The following UNKL variants were observed in gnomAD, a reference collection of about 807,000 sequenced individuals.
UNKL encodes putative E3 ubiquitin-protein ligase UNKL.
A neutral mutation model predicts 78.0 loss-of-function variants in UNKL; 60 were observed. The ratio of observed to expected loss-of-function variants is 0.77; its 90% confidence interval spans 0.63 to 0.95. The LOEUF (loss-of-function observed/expected upper bound fraction) is 0.95, where lower values mean the gene tolerates loss of function less well. Among genes scored for constraint, UNKL ranks in the 40% least tolerant of loss-of-function variants. The probability of loss-of-function intolerance (pLI) is 0.00; values close to 1 mark genes in which losing one functional copy is unlikely to be tolerated. For missense variants in UNKL, 1,159 were observed against 1,045.7 expected, an observed-to-expected ratio of 1.11 and a Z score of -1.49; for synonymous variants, 608 against 474.8, an observed-to-expected ratio of 1.28 and a Z score of -3.65.
At chr16:1,374,820 G>A (rs995791099) in intron 10 of UNKL, among the ~76,000 whole-genome samples, 1 of 152,218 alleles carries the variant, frequency 6.6e-6, no homozygotes, top group African/African-American at 2.4e-5. Flanking sequence ...CAGCCAAGGG[G>A]CCGCAGAGGG....
chr16:1,389,038 G>A lies in UNKL; in HGVS notation c.1086+1594C>T, dbSNP rs1490772930. 3.9e-5 allele frequency among the ~76,000 whole-genome samples: 6 copies of A among 152,206 alleles called. No individual in the cohort carries two copies. The South Asian group carries it at 6.2e-4, about 16-fold the overall frequency. ...TCTTCCAGCCGGAAGCTCTGACCCC[G>A]TGAACACTTGCCCCCTCCCCCGGCC... On this transcript the variant is annotated intron_variant, in intron 9 of 14. Transcript: ENST00000389221.
rs112253270 is a variant in UNKL, at chr16:1,384,036, G to C, written c.1264+1172C>G. On this transcript the variant is annotated intron_variant, in intron 10 of 14. Coordinates refer to ENST00000389221, the MANE Select transcript of UNKL (RefSeq NM_001372107.1). ...CCCCAGCCCAGGGACAGAGAACTTG[G>C]AGACCACCACAGGTGGCCTTCCCTG... 274 of 191,148 alleles carry C rather than the reference G, an allele frequency of 1.4e-3. 3 individuals carry two copies. The highest frequency in any genetic ancestry group is 5.2e-3 in the African/African-American group (230 of 43,938). 11.8% of individuals were successfully genotyped at this position (191,148 alleles called of 1,614,324 possible). A position where few individuals can be genotyped will look rare whatever the true frequency, so the allele number is the denominator to read the frequency against.
chr16:1,364,778 G>C lies in UNKL; in HGVS notation c.*1462C>G, dbSNP rs563953284. The stretch of plus-strand genomic sequence containing the variant: ...GAGCTCCGATGATAACTGGCAGCGC[G>C]GGTCAGGTGACTGCCACATACACCC... On this transcript the variant is annotated 3_prime_UTR_variant, in exon 15 of 15. Transcript: ENST00000389221. 5 of 152,190 alleles carry C rather than the reference G, an allele frequency of 3.3e-5. No homozygotes were observed. The highest frequency in any genetic ancestry group is 1.2e-4 in the African/African-American group (5 of 41,430). 9.4% of individuals were successfully genotyped at this position (152,190 alleles called of 1,614,324 possible). A position where few individuals can be genotyped will look rare whatever the true frequency, so the allele number is the denominator to read the frequency against.
chr16:1,401,665 C>G lies in UNKL; in HGVS notation c.501G>C (p.Gln167His). The G allele has an allele frequency of 1.9e-6, 3 of 1,612,116 alleles. No individual in the cohort carries two copies. The highest frequency in any genetic ancestry group is 2.5e-6 in the Non-Finnish European group (3 of 1,179,318). The change falls in exon 4 of 15, where the codon CAG (glutamine) becomes CAC (histidine). Residue 167 changes from glutamine to histidine, a missense_variant. Coordinates refer to ENST00000389221, the MANE Select transcript of UNKL (RefSeq NM_001372107.1). ...LQAQEALQNG[Q>H]LGGGEGVPDL... is the part of the protein sequence containing the mutation. Reference sequence around the variant, plus strand: ...CCGGGACCCCTTCCCCGCCGCCCAGCTGGCCGTTCTGCAAGGCTTCCTGGG... The same window carrying G: ...CCGGGACCCCTTCCCCGCCGCCCAGGTGGCCGTTCTGCAAGGCTTCCTGGG...
intron 9 of UNKL, among the ~76,000 whole-genome samples, chr16:1,389,639 T>C (rs2036961298): frequency 6.6e-6 from 1 of 152,086 alleles, no homozygotes; most frequent in Non-Finnish European, 1.5e-5. Context: ...GGCAGGGCCC[T>C]ACGCAGCCAC....
At chr16:1,396,642 A>G (rs889355261) in intron 6 of UNKL, among the ~76,000 whole-genome samples, 2 of 151,336 alleles carry the variant, frequency 1.3e-5, no homozygotes, top group African/African-American at 2.4e-5. Flanking sequence ...TGCCCAGGCC[A>G]GAGTGCAGTG....
chr16:1,369,673 G>A (rs2141952323), intron 12 of UNKL, among the ~76,000 whole-genome samples: 1 of 152,292 alleles, frequency 6.6e-6, no homozygotes, highest in Non-Finnish European at 1.5e-5. Flanking sequence ...CCGACCAAGT[G>A]TTAGTTCTTT....
At chr16:1,409,000 T>A (rs1447374231) in intron 2 of UNKL, 1 of 151,060 alleles carries the variant, frequency 6.6e-6, no homozygotes, top group Admixed American at 6.6e-5. Context: ...CACTGCAACC[T>A]CCGCCTCCCA....
At position 1,367,163 on chromosome 16, in the gene UNKL, C is replaced by G. The variant is rs149887709; in HGVS notation, c.1975G>C (p.Gly659Arg). 3 of 1,604,692 alleles carry G rather than the reference C, an allele frequency of 1.9e-6. No individual in the cohort carries two copies. Among genetic ancestry groups the G allele is most frequent in the Non-Finnish European group, 1.7e-6 (2 of 1,177,694 alleles). Residue 659 changes from glycine to arginine, a missense_variant, in exon 14 of 15, where the codon GGC becomes CGC. Coordinates refer to ENST00000389221, the MANE Select transcript of UNKL (RefSeq NM_001372107.1). Reference sequence around the variant, plus strand: ...TGCAGCTTCGGCAGGGGAATGGTGCCGATGTCCCCACAGCCCCGCAGCCCC... The same window carrying G: ...TGCAGCTTCGGCAGGGGAATGGTGCGGATGTCCCCACAGCCCCGCAGCCCC... ...LPGLRGCGDI[G>R]TIPLPKLHSL...
intron 10 of UNKL, among the ~76,000 whole-genome samples, chr16:1,372,063 T>A (rs1161856645): frequency 6.6e-6 from 1 of 150,710 alleles, no homozygotes; most frequent in Non-Finnish European, 1.5e-5. Context: ...GAGACCATCC[T>A]GGCTAACACG....
In UNKL at chr16:1,371,537, G is replaced by A. The variant is rs1256959589; in HGVS notation, c.1339C>T (p.His447Tyr). 7.8e-6 allele frequency: 12 copies of A among 1,536,202 alleles called. No homozygotes were observed. The highest frequency in any genetic ancestry group is 1.0e-5 in the Non-Finnish European group (12 of 1,146,922). The part of the protein sequence containing the change: ...LEKDLEEQDG[H>Y]DLGAAGPRSL... ...CCCTCACCTGCTGCTCCCAGGTCGT[G>A]GCCGTCTTGCTCTTCCAGGTCCTTC... The change falls in exon 11 of 15, where the codon CAC becomes TAC. Residue 447 changes from histidine (H) to tyrosine (Y), a missense_variant. By Grantham distance (83) the His-to-Tyr change is moderately conservative. Coordinates refer to ENST00000389221, the MANE Select transcript of UNKL (RefSeq NM_001372107.1).
intron 2 of UNKL, chr16:1,408,346 A>T (rs900673960): frequency 1.3e-5 from 2 of 152,324 alleles, no homozygotes; most frequent in African/African-American, 4.8e-5. Context: ...CGCGCAGCGG[A>T]GGGGCGTGTC....
At chr16:1,395,936 C>G (rs980494683) in intron 6 of UNKL, 9 of 362,224 alleles carry the variant, frequency 2.5e-5, no homozygotes, top group Non-Finnish European at 3.9e-5. Flanking sequence ...CACGCCTCCC[C>G]CTTGGCTGAG....
chr16:1,405,214 A>G (rs1359549982), intron 2 of UNKL, among the ~76,000 whole-genome samples: 1 of 60,898 alleles, frequency 1.6e-5, no homozygotes, highest in African/African-American at 5.9e-5. Flanking sequence ...AAAAAAAAAA[A>G]AAAAAAAAAG....
intron 10 of UNKL, among the ~76,000 whole-genome samples, chr16:1,380,271 CTG>C (rs1370457675): frequency 6.6e-6 from 1 of 151,870 alleles, no homozygotes; most frequent in Non-Finnish European, 1.5e-5. Context: ...CTGAAGGAAA[CTG>C]TACTATTAAC....
chr16:1,396,367 G>C (rs964601042), intron 6 of UNKL, among the ~76,000 whole-genome samples: 1 of 148,362 alleles, frequency 6.7e-6, no homozygotes, highest in Non-Finnish European at 1.5e-5. Context: ...CGATCCTCAC[G>C]TCTCAGCCTC....
At chr16:1,404,768 G>A (rs1015332660) in intron 2 of UNKL, among the ~76,000 whole-genome samples, 1 of 152,160 alleles carries the variant, frequency 6.6e-6, no homozygotes, top group Non-Finnish European at 1.5e-5. Context: ...CACACAACAT[G>A]GTTAATGCGG....
rs1668598412 is a variant in UNKL at position 1,387,932 on chromosome 16, C to T, written c.1087-2547G>A. 6.6e-6 allele frequency among the ~76,000 whole-genome samples: 1 copy of T among 152,134 alleles called. No homozygotes were observed. Among genetic ancestry groups the T allele is most frequent in the African/African-American group, 2.4e-5 (1 of 41,422 alleles). ...CAGGCTGAGGTTCCCCATGTCCTGA[C>T]CCACCAGTAGCCTAGAGGCCACCGC... On this transcript the variant is annotated intron_variant, in intron 9 of 14. Coordinates refer to ENST00000389221, the MANE Select transcript of UNKL (RefSeq NM_001372107.1). This position sits in a 1 kb window ranked among gnomAD's most constrained non-coding sequence, Gnocchi z 4.1.
At position 1,363,567 on chromosome 16, in the gene UNKL, C is replaced by A; in HGVS notation, c.*2673G>T. On this transcript the variant is annotated 3_prime_UTR_variant, in exon 15 of 15. Transcript: ENST00000389221. The stretch of plus-strand genomic sequence containing the variant: ...AACAAGAACATGCAGAGCCGGCCGC[C>A]AGCCAGCTCCTACGCCCCGTGCCCG... 1 of 223,428 alleles carries A rather than the reference C, an allele frequency of 4.5e-6. No homozygotes were observed. The highest frequency in any genetic ancestry group is 9.1e-6 in the Non-Finnish European group (1 of 109,610). The allele number at this position is 223,428 out of a possible 1,614,324, so 13.8% of individuals were successfully genotyped here.
Sources: allele counts gnomAD v4.1 joint callset (sites outside exome capture counted in the v4.1 genomes callset), GRCh38; gene constraint gnomAD v4.1.1; non-coding constraint Gnocchi (gnomAD v3.1); transcripts MANE v1.5; gene names NCBI Gene and HGNC (gene_info 2026-07-23, HGNC 2026-07-21).